The following GOLGA6L9 variants were observed in gnomAD, a reference collection of about 807,000 sequenced individuals.
GOLGA6L9 encodes golgin subfamily A member 6-like protein 9.
Under a neutral mutation model 51.3 loss-of-function variants are expected in GOLGA6L9, and 19 were observed. The observed-to-expected ratio is 0.37, with a 90% CI of 0.26 to 0.54. The LOEUF is 0.54. GOLGA6L9 is among the 20% of genes least tolerant of loss of function. GOLGA6L9 has a pLI of 0.83. For synonymous variants in GOLGA6L9, 97 were observed against 184.2 expected (o/e 0.53, Z 3.83); for missense variants, 247 against 464.1 (o/e 0.53, Z 4.30).
chr15:82,432,464 T>C lies in GOLGA6L9; in HGVS notation c.205-108T>C. The C allele has an allele frequency of 5.0e-6, 7 of 1,400,600 alleles. No homozygotes were observed. The South Asian group carries it at 9.1e-5, about 18-fold the overall frequency. 86.8% of individuals were successfully genotyped at this position (1,400,600 alleles called of 1,614,324 possible). A position where few individuals can be genotyped will look rare whatever the true frequency, so the allele number is the denominator to read the frequency against. On this transcript the variant is annotated intron_variant, in intron 2 of 8. Transcript: ENST00000618348. ...GAGTTATGGGAAAAAGGTTCCAAGA[T>C]AGGCAGAAAAGAAGCTTTTGCCAGT...
At chr15:82,432,728 G>T (rs2031461022) in intron 3 of GOLGA6L9, 89 bp from the exon 4 acceptor site, 1 of 1,584,442 alleles carries the variant, frequency 6.3e-7, no homozygotes, top group South Asian at 1.1e-5. Context: ...AGCTGAGGCA[G>T]CCCACACACC....
chr15:82,417,279 T>A, the GOLGA6L9 span, among the ~76,000 whole-genome samples: 1 of 152,180 alleles, frequency 6.6e-6, no homozygotes, highest in Non-Finnish European at 1.5e-5. Context: ...GTTACTTCAA[T>A]TATTAGAATT....
chr15:82,427,023 G>T, upstream of GOLGA6L9, among the ~76,000 whole-genome samples: 2 of 142,144 alleles, frequency 1.4e-5, no homozygotes, highest in African/African-American at 2.6e-5. Flanking sequence ...AGAAGTGCCA[G>T]TTTCTCCATT....
At chr15:82,420,079 A>G in the GOLGA6L9 span, 8 of 401,196 alleles carry the variant, frequency 2.0e-5, no homozygotes, top group African/African-American at 1.3e-4. Flanking sequence ...AAAGAAGGTA[A>G]TTTTATTAAG....
the GOLGA6L9 span, among the ~76,000 whole-genome samples, chr15:82,420,513 T>C: frequency 6.6e-6 from 1 of 152,206 alleles, no homozygotes; most frequent in African/African-American, 2.4e-5. Context: ...CCAAGTCTTT[T>C]TATTTTTTAC....
chr15:82,416,296 C>CA, the GOLGA6L9 span, among the ~76,000 whole-genome samples: 6 of 152,076 alleles, frequency 3.9e-5, no homozygotes, highest in South Asian at 1.0e-3. Flanking sequence ...ATTTTGTACT[C>CA]AAACAGTTCT....
intron 4 of GOLGA6L9, among the ~76,000 whole-genome samples, 154 bp from the exon 5 acceptor site, chr15:82,433,408 C>G (rs2031501415): frequency 6.6e-6 from 1 of 151,998 alleles, no homozygotes; most frequent in Non-Finnish European, 1.5e-5. Flanking sequence ...AAGAACTGTA[C>G]CTGGCCTGTA....
In GOLGA6L9 at chr15:82,438,341, A is replaced by G. The variant is rs2031788891; in HGVS notation, c.*1930A>G. ...TAAGCTGAATGTCAGTCTGAAAAAT[A>G]AATGTACTATATTAACTCAAATACC... is the stretch of plus-strand genomic sequence containing the variant. On this transcript the variant is annotated 3_prime_UTR_variant, in exon 9 of 9. Transcript: ENST00000618348. 3 of 151,040 alleles carry G rather than the reference A, an allele frequency of 2.0e-5. No homozygotes were observed. Among genetic ancestry groups the G allele is most frequent in the South Asian group, 4.2e-4 (2 of 4,808 alleles). The allele number at this position is 151,040 out of a possible 1,614,324, so 9.4% of individuals were successfully genotyped here.
At position 82,438,957 on chromosome 15, in the gene GOLGA6L9, GAA is replaced by G. The variant is rs1174923224; in HGVS notation, c.*2548_*2549del. 7.5e-6 allele frequency: 1 copy of G among 133,662 alleles called. No homozygotes were observed. Among genetic ancestry groups the G allele is most frequent in the African/African-American group, 3.0e-5 (1 of 33,682 alleles). 8.3% of individuals were successfully genotyped at this position (133,662 alleles called of 1,614,324 possible). ...TCTAGGGGAAGGAAAAGTAGACAAA[GAA>G]ATGCCAATTCCAGTCCAAAGCTGTA... On this transcript the variant is annotated 3_prime_UTR_variant, in exon 9 of 9. Transcript: ENST00000618348.
At chr15:82,425,161 CA>C (rs1276591534), upstream of GOLGA6L9, among the ~76,000 whole-genome samples, 4 of 151,816 alleles carry the variant, frequency 2.6e-5, no homozygotes, top group South Asian at 6.3e-4. Context: ...GAGCACCATA[CA>C]AATATAGGAC....
At position 82,434,148 on chromosome 15, in the gene GOLGA6L9, A is replaced by G. The variant is rs1156973753; in HGVS notation, c.548A>G (p.Glu183Gly). 1.3e-6 allele frequency: 2 copies of G among 1,535,184 alleles called. No individual in the cohort carries two copies. The highest frequency in any genetic ancestry group is 2.8e-5 in the African/African-American group (2 of 71,650). The change falls in exon 6 of 9, where the codon GAG (glutamate) becomes GGG (glycine). Residue 183 changes from glutamate to glycine, a missense_variant. Glu to Gly is a moderately conservative substitution (Grantham distance 98). Around this residue, in one of 9 missense-constraint regions of GOLGA6L9, gnomAD observed 25 missense variants for 49.6 expected, o/e 0.50. Coordinates refer to ENST00000618348, the MANE Select transcript of GOLGA6L9 (RefSeq NM_198181.4). ...AGTGTGGGAAGACAGCTCCAGGCTG[A>G]GGTGGAAAACAATCAGATGTTGAGT... is the stretch of plus-strand genomic sequence containing the variant. ...LESVGRQLQAEVENNQMLSLL... is the reference protein window; with the variant it reads ...LESVGRQLQAGVENNQMLSLL...
chr15:82,417,467 TCTTA>T, the GOLGA6L9 span, among the ~76,000 whole-genome samples: 2 of 152,326 alleles, frequency 1.3e-5, no homozygotes, highest in South Asian at 2.1e-4. Context: ...AGTTTACTTA[TCTTA>T]CTTATGTAGT....
At position 82,437,878 on chromosome 15, in the gene GOLGA6L9, C is replaced by G. The variant is rs1435443483; in HGVS notation, c.*1467C>G. On this transcript the variant is annotated 3_prime_UTR_variant, in exon 9 of 9. Transcript: ENST00000618348. Reference sequence around the variant, plus strand: ...ATACAATCACAGAGTTATATTTCCTCACAAAGTTCTTTACAAAGAGTGAAA... The same window carrying G: ...ATACAATCACAGAGTTATATTTCCTGACAAAGTTCTTTACAAAGAGTGAAA... 6.6e-6 allele frequency: 1 copy of G among 151,296 alleles called. No individual in the cohort carries two copies. The highest frequency in any genetic ancestry group is 6.6e-5 in the Admixed American group (1 of 15,196). The allele number at this position is 151,296 out of a possible 1,614,324, so 9.4% of individuals were successfully genotyped here.
chr15:82,420,322 G>T, the GOLGA6L9 span, among the ~76,000 whole-genome samples: 1 of 151,856 alleles, frequency 6.6e-6, no homozygotes, highest in Non-Finnish European at 1.5e-5. Context: ...AGAGAAACAT[G>T]TCTACAGTTG....
chr15:82,421,803 CA>C, the GOLGA6L9 span, among the ~76,000 whole-genome samples: 15 of 2,952 alleles, frequency 5.1e-3, no homozygotes, highest in South Asian at 0.022. Context: ...CCAACACCAC[CA>C]AAAAAAAAAA....
At chr15:82,429,357 G>A (rs2031316290), upstream of GOLGA6L9, among the ~76,000 whole-genome samples, 1 of 152,150 alleles carries the variant, frequency 6.6e-6, no homozygotes, top group Non-Finnish European at 1.5e-5. Context: ...TTACAGGGGT[G>A]AGCCACCGCA....
At position 82,432,760 on chromosome 15, in the gene GOLGA6L9, T is replaced by A. The variant is rs2031462985; in HGVS notation, c.265-57T>A. 6 of 1,541,956 alleles carry A rather than the reference T, an allele frequency of 3.9e-6. 1 individual carries two copies. The highest frequency in any genetic ancestry group is 1.7e-5 in the Admixed American group (1 of 59,578). On this transcript the variant is annotated intron_variant, in intron 3 of 8. Coordinates refer to ENST00000618348, the MANE Select transcript of GOLGA6L9 (RefSeq NM_198181.4). ...CACCCCCACCAGCCCTAATGATTAT[T>A]CTCTCTACCCCTCCCCACAATCTTT...
chr15:82,429,255 A>T (rs1457509626), upstream of GOLGA6L9, among the ~76,000 whole-genome samples: 1 of 151,890 alleles, frequency 6.6e-6, no homozygotes, highest in Non-Finnish European at 1.5e-5. Flanking sequence ...TTGTATTTTT[A>T]GTAGAGACAG....
intron 1 of GOLGA6L9, 88 bp downstream of exon 1, chr15:82,430,251 G>C: frequency 2.3e-6 from 1 of 429,300 alleles, no homozygotes; most frequent in South Asian, 2.1e-5. Context: ...CACTCCTGAG[G>C]CATACCAGAT....
Sources: gnomAD v4.1 joint callset for allele counts (sites outside exome capture counted in the v4.1 genomes callset) on GRCh38, gnomAD v4.1.1 for gene constraint, gnomAD v4.1.1 regional missense constraint, MANE v1.5 for transcripts, NCBI Gene and HGNC (gene_info 2026-07-23, HGNC 2026-07-21) for gene names.